The following RDX variants were observed in gnomAD, a reference collection of about 807,000 sequenced individuals.
RDX encodes the protein deafness, autosomal recessive 24.
RDX carries 32 observed loss-of-function variants against 83.7 expected under a neutral mutation model. The observed-to-expected ratio is 0.38, with a 90% CI of 0.29 to 0.51. The LOEUF is 0.51. Ranked by LOEUF, RDX falls within the 20% of genes least tolerant of loss-of-function variation. The probability of loss-of-function intolerance (pLI) is 0.87; values close to 1 mark genes in which losing one functional copy is unlikely to be tolerated. For missense variants in RDX, 600 were observed against 689.9 expected (o/e 0.87, Z 1.46); for synonymous variants, 229 against 222.7 (o/e 1.03, Z -0.25).
At chr11:110,235,969 C>T in intron 12 of RDX, 130 bp downstream of exon 12, 5 of 707,176 alleles carry the variant, frequency 7.1e-6, no homozygotes, top group Non-Finnish European at 1.0e-5. Context: ...TAGATATTTA[C>T]AATACACATA....
chr11:110,269,467 C>T (rs189214961), intron 3 of RDX, among the ~76,000 whole-genome samples: 16 of 152,238 alleles, frequency 1.1e-4, no homozygotes, highest in Non-Finnish European at 1.6e-4. Flanking sequence ...CAGCTGGCCT[C>T]GATTTAACAT....
intron 1 of RDX, among the ~76,000 whole-genome samples, chr11:110,287,610 T>A (rs1171827768): frequency 6.6e-6 from 1 of 152,108 alleles, no homozygotes; most frequent in Non-Finnish European, 1.5e-5. Context: ...CATCCCAAAG[T>A]GAAGCAAAGA....
At chr11:110,214,555 A>G (rs372779542) in intron 14 of RDX, among the ~76,000 whole-genome samples, 213 of 93,196 alleles carry the variant, frequency 2.3e-3, no homozygotes, top group South Asian at 0.01. Context: ...TGTTTATTGC[A>G]GCATTATTCA....
At chr11:110,178,323 C>A (rs1344441443) in intron 15 of RDX, among the ~76,000 whole-genome samples, 1 of 115,772 alleles carries the variant, frequency 8.6e-6, no homozygotes, top group Non-Finnish European at 1.8e-5. Flanking sequence ...TTGCCCAAAT[C>A]AGGGGTGCAA....
At chr11:110,216,678 C>G (rs544209505) in intron 14 of RDX, among the ~76,000 whole-genome samples, 1 of 151,246 alleles carries the variant, frequency 6.6e-6, no homozygotes, top group Admixed American at 6.6e-5. Context: ...ACACTGGGCC[C>G]TAATTTTATT....
At position 110,270,653 on chromosome 11, in the gene RDX, A is replaced by G. The variant is rs7115364; in HGVS notation, c.96+1883T>C. On this transcript the variant is annotated intron_variant, in intron 3 of 13. Coordinates refer to ENST00000645495, the MANE Select transcript of RDX (RefSeq NM_002906.4). Reference sequence around the variant, plus strand: ...ATAAGACAAAGAGATTAATTTGTCCAAAGTCAAACAGCTGCAACTACAACT... The same window carrying G: ...ATAAGACAAAGAGATTAATTTGTCCGAAGTCAAACAGCTGCAACTACAACT... Among the ~76,000 whole-genome samples, 379 of 152,366 alleles carry G rather than the reference A, an allele frequency of 2.5e-3. 2 individuals are homozygous for G. The highest frequency in any genetic ancestry group is 8.8e-3 in the African/African-American group (364 of 41,582).
intron 5 of RDX, among the ~76,000 whole-genome samples, chr11:110,261,244 T>C (rs939865259): frequency 6.6e-6 from 1 of 152,234 alleles, no homozygotes; most frequent in Non-Finnish European, 1.5e-5. Flanking sequence ...CCCTCAAATG[T>C]ATTTTTTCTT....
chr11:110,291,161 T>TA (rs1414801928), intron 1 of RDX, among the ~76,000 whole-genome samples: 1 of 151,916 alleles, frequency 6.6e-6, no homozygotes, highest in Non-Finnish European at 1.5e-5. Flanking sequence ...ACTGTATCTC[T>TA]AAAAAAAATT....
chr11:110,287,590 G>A (rs1000825296), intron 1 of RDX, among the ~76,000 whole-genome samples: 1 of 152,114 alleles, frequency 6.6e-6, no homozygotes, highest in Non-Finnish European at 1.5e-5. Flanking sequence ...ATAATGACAT[G>A]TCATCCCGTC....
chr11:110,198,204 T>A (rs1591504657), intron 15 of RDX, among the ~76,000 whole-genome samples: 2 of 151,964 alleles, frequency 1.3e-5, no homozygotes, highest in South Asian at 4.2e-4. Flanking sequence ...AATCAGCAAG[T>A]TGGGGGAACT....
chr11:110,204,256 G>C (rs1258706413), intron 14 of RDX, among the ~76,000 whole-genome samples: 3 of 148,710 alleles, frequency 2.0e-5, no homozygotes, highest in East Asian at 1.9e-4. Flanking sequence ...CTTAATTTAA[G>C]GTCAGCAAAA....
chr11:110,175,809 G>C (rs1341916171), intron 15 of RDX, among the ~76,000 whole-genome samples: 2 of 152,218 alleles, frequency 1.3e-5, no homozygotes, highest in Non-Finnish European at 2.9e-5. Context: ...GTAAACTCTG[G>C]AGGAGATTTA....
chr11:110,240,566 A>AC (rs1865047256), intron 10 of RDX, among the ~76,000 whole-genome samples: 1 of 151,032 alleles, frequency 6.6e-6, no homozygotes, highest in Non-Finnish European at 1.5e-5. Flanking sequence ...ACACGGTGAA[A>AC]CCCCGTCTCT....
intron 14 of RDX, among the ~76,000 whole-genome samples, chr11:110,220,199 T>C (rs1258418995): frequency 6.6e-6 from 1 of 152,118 alleles, no homozygotes; most frequent in Non-Finnish European, 1.5e-5. Context: ...TATTAAAAAA[T>C]GGAACCCAAA....
chr11:110,248,172 T>A (rs185027640), intron 9 of RDX, among the ~76,000 whole-genome samples: 1 of 152,224 alleles, frequency 6.6e-6, no homozygotes, highest in East Asian at 1.9e-4. Context: ...AATCTCAGAA[T>A]ACACAATGAT....
chr11:110,201,590 A>G (rs995841426), intron 14 of RDX, among the ~76,000 whole-genome samples: 2 of 152,242 alleles, frequency 1.3e-5, no homozygotes, highest in Non-Finnish European at 2.9e-5. Flanking sequence ...AGGGTGAGAT[A>G]CATAAAAATC....
chr11:110,290,384 C>G (rs1861185244), intron 1 of RDX, among the ~76,000 whole-genome samples: 1 of 151,972 alleles, frequency 6.6e-6, no homozygotes, highest in African/African-American at 2.4e-5. Context: ...TGGTGGCAAG[C>G]TCCTATAGTT....
intron 14 of RDX, among the ~76,000 whole-genome samples, chr11:110,205,661 T>C (rs113998911): frequency 0.017 from 2,594 of 152,232 alleles, 91 homozygotes; most frequent in African/African-American, 0.056. Flanking sequence ...TATGTTATAT[T>C]AGTAATTAAC....
intron 2 of RDX, 142 bp from the exon 3 acceptor site, chr11:110,272,761 T>C (rs991088602): frequency 1.5e-6 from 1 of 669,142 alleles, no homozygotes; most frequent in Non-Finnish European, 2.6e-6. Flanking sequence ...AAAGAGCTTA[T>C]AAAGTCCTCA....
Sources: gnomAD v4.1 joint callset for allele counts (sites outside exome capture counted in the v4.1 genomes callset) on GRCh38, gnomAD v4.1.1 for gene constraint, MANE v1.5 for transcripts, NCBI Gene and HGNC (gene_info 2026-07-23, HGNC 2026-07-21) for gene names.